Variants in RARA observed in about 807,000 individuals in gnomAD.
RARA encodes PML-DDX5-RARA fusion.
RARA carries 5 observed loss-of-function variants against 42.8 expected under a neutral mutation model. The observed-to-expected ratio is 0.12, with a 90% confidence interval of 0.06 to 0.25. The LOEUF (loss-of-function observed/expected upper bound fraction) is 0.25, where lower values mean the gene tolerates loss of function less well. RARA is among the 10% of genes least tolerant of loss of function. The pLI, the probability that RARA is intolerant of heterozygous loss-of-function variation, is 1.00. For missense variants in RARA, 402 were observed against 628.7 expected (o/e 0.64, Z 3.86); for synonymous variants, 256 against 259.5 (o/e 0.99, Z 0.13).
Position 40,352,218 on chromosome 17 carries a change from C to G in RARA, c.631-113C>G. 1 of 1,500,994 alleles carries G rather than the reference C, an allele frequency of 6.7e-7. No individual in the cohort carries two copies. The highest frequency in any genetic ancestry group is 8.8e-7 in the Non-Finnish European group (1 of 1,131,346). 93.0% of individuals were successfully genotyped at this position (1,500,994 alleles called of 1,614,324 possible). A position where few individuals can be genotyped will look rare whatever the true frequency, so the allele number is the denominator to read the frequency against. ...TCTCCCTCCTCCTGCTGCCTCTTCC[C>G]AAGGAGCTCCCAGGAAGTGAAGGCT... On this transcript the variant is annotated intron_variant, in intron 5 of 8. Coordinates refer to ENST00000254066, the MANE Select transcript of RARA (RefSeq NM_000964.4). This position sits in a 1 kb window ranked among gnomAD's most constrained non-coding sequence, Gnocchi z 4.9.
chr17:40,317,309 CT>C (rs1468144177), intron 1 of RARA, among the ~76,000 whole-genome samples: 6 of 152,218 alleles, frequency 3.9e-5, no homozygotes, highest in African/African-American at 1.4e-4. Flanking sequence ...CTGCTTCCCC[CT>C]AAGCCCGCCA....
chr17:40,318,818 C>T (rs2033282440), intron 1 of RARA, among the ~76,000 whole-genome samples: 8 of 152,260 alleles, frequency 5.3e-5, no homozygotes, highest in Admixed American at 5.2e-4. Context: ...GGATGCTCAA[C>T]GGACTAGCCC....
rs1332986203 is a variant in RARA at position 40,356,101 on chromosome 17, ACT to A, written c.1267_1268del (p.Leu423GlufsTer22). 1.5e-5 allele frequency: 10 copies of A among 650,304 alleles called. No individual in the cohort carries two copies. The highest frequency in any genetic ancestry group is 2.5e-5 in the Non-Finnish European group (10 of 401,412). 40.3% of individuals were successfully genotyped at this position (650,304 alleles called of 1,614,324 possible). ...GTTGGAGAACTCAGAGGGCCTGGAC[ACT>A]CTGAGCGGACAGCCGGGGGGTGGGG... ...EMLENSEGLD[T>X]LSGQPGGGGR... On this transcript the variant is annotated frameshift_variant, in exon 9 of 9. Coordinates refer to ENST00000254066, the MANE Select transcript of RARA (RefSeq NM_000964.4). LOFTEE classifies it high-confidence loss of function.
chr17:40,344,104 G>T (rs768144028), intron 2 of RARA, among the ~76,000 whole-genome samples: 5 of 151,484 alleles, frequency 3.3e-5, no homozygotes, highest in African/African-American at 9.7e-5. Context: ...AGTGGGTCTC[G>T]GGGGGGCCCT....
chr17:40,341,623 G>T, intron 2 of RARA: 2 of 1,350,436 alleles, frequency 1.5e-6, no homozygotes, highest in Non-Finnish European at 1.9e-6. Flanking sequence ...GCGGTGGGTG[G>T]GTCACTCGGA....
Position 40,356,880 on chromosome 17 carries a change from C to T in RARA, c.*654C>T, listed in dbSNP as rs894108589. 3.8e-5 allele frequency: 16 copies of T among 421,638 alleles called. No homozygotes were observed. The highest frequency in any genetic ancestry group is 1.8e-4 in the African/African-American group (9 of 49,106). The allele number at this position is 421,638 out of a possible 1,614,324, so 26.1% of individuals were successfully genotyped here. A position where few individuals can be genotyped will look rare whatever the true frequency, so the allele number is the denominator to read the frequency against. ...GGTGGGTCCGGGGGAGGGAGTGGCT[C>T]GGAAGGGGCCCCCACTCTCCTTTCA... On this transcript the variant is annotated 3_prime_UTR_variant, in exon 9 of 9. Transcript: ENST00000254066.
In RARA at chr17:40,323,983, T is replaced by A. The variant is rs573530714; in HGVS notation, c.-362-6874T>A. Among the ~76,000 whole-genome samples, 17 of 151,544 alleles carry A rather than the reference T, an allele frequency of 1.1e-4. No individual in the cohort carries two copies. In the East Asian group the frequency reaches 3.3e-3, roughly 29 times the overall value. On this transcript the variant is annotated intron_variant, in intron 1 of 8. Transcript: ENST00000254066. ...GGTTGGGCTGAGCTGAGGGGAGGGG[T>A]GAGGGCTGCTGCAGCCTATCTCCCC...
In RARA at chr17:40,354,894, CA is replaced by C. The variant is rs2034567260; in HGVS notation, c.1013-368del. On this transcript the variant is annotated intron_variant, in intron 7 of 8. Coordinates refer to ENST00000254066, the MANE Select transcript of RARA (RefSeq NM_000964.4). The surrounding 1 kb of genome is among the most constrained non-coding windows in gnomAD (Gnocchi z 4.5). ...CTGTGCAGGTGCCCAGAGCGAGCTC[CA>C]GTGCTTGTTAGTTGCTATTTTATTG... Among the ~76,000 whole-genome samples, 1 of 152,204 alleles carries C rather than the reference CA, an allele frequency of 6.6e-6. No homozygotes were observed. Among genetic ancestry groups the C allele is most frequent in the South Asian group, 2.1e-4 (1 of 4,828 alleles).
Position 40,351,833 on chromosome 17 carries a change from G to A in RARA, c.470-77G>A, listed in dbSNP as rs957764503. 86 of 1,546,428 alleles carry A rather than the reference G, an allele frequency of 5.6e-5. No individual in the cohort carries two copies. Among genetic ancestry groups the A allele is most frequent in the Non-Finnish European group, 7.1e-5 (82 of 1,152,434 alleles). The stretch of plus-strand genomic sequence containing the variant: ...TGGGTGACCTCCTCAGCAGCTGGCA[G>A]CTCTCTGTCAGGCTGGGGGTGGACG... On this transcript the variant is annotated intron_variant, in intron 4 of 8. Transcript: ENST00000254066. This position sits in a 1 kb window ranked among gnomAD's most constrained non-coding sequence, Gnocchi z 4.1.
chr17:40,349,762 A>G (rs1309389708), intron 3 of RARA, 22 bp from the exon 4 acceptor site: 10 of 1,612,712 alleles, frequency 6.2e-6, no homozygotes, highest in South Asian at 1.1e-5. Context: ...GGACAACCTG[A>G]CTCCCTCCCC....
intron 1 of RARA, among the ~76,000 whole-genome samples, chr17:40,315,165 T>TACAC (rs1567743130): frequency 3.3e-5 from 4 of 121,442 alleles, no homozygotes; most frequent in African/African-American, 1.6e-4. Flanking sequence ...TATATATATA[T>TACAC]ATATATACAC....
At chr17:40,347,268 G>A (rs1027323966) in intron 2 of RARA, among the ~76,000 whole-genome samples, 1 of 152,198 alleles carries the variant, frequency 6.6e-6, no homozygotes, top group East Asian at 1.9e-4. Flanking sequence ...CTGGACAAGA[G>A]AACTTGAACG....
chr17:40,356,174 C>T lies in RARA; in HGVS notation c.1337C>T (p.Pro446Leu). The T allele has an allele frequency of 6.4e-7, 1 of 1,551,116 alleles. No homozygotes were observed. Among genetic ancestry groups the T allele is most frequent in the South Asian group, 1.2e-5 (1 of 84,160 alleles). ...GLAPPPGSCS[P>L]SLSPSSNRSS... The stretch of plus-strand genomic sequence containing the variant: ...GCCCCCCCGCCAGGCAGCTGTAGCC[C>T]CAGCCTCAGCCCCAGCTCCAACAGA... Residue 446 changes from proline (P) to leucine (L), a missense_variant, in exon 9 of 9, where the codon CCC becomes CTC. Pro to Leu is a moderately conservative substitution (Grantham distance 98). Around this residue, in one of 5 missense-constraint regions of RARA, gnomAD observed 73 missense variants for 59.8 expected, o/e 1.22. Coordinates refer to ENST00000254066, the MANE Select transcript of RARA (RefSeq NM_000964.4).
In RARA at chr17:40,351,063, A is replaced by G. The variant is rs377057635; in HGVS notation, c.470-847A>G. ...GAGCAGCTGCCATTTCAATAGAATT[A>G]AAGCTTCCGAATGATAAACGTCTTG... On this transcript the variant is annotated intron_variant, in intron 4 of 8. Transcript: ENST00000254066. The surrounding 1 kb of genome is among the most constrained non-coding windows in gnomAD (Gnocchi z 4.1). Among the ~76,000 whole-genome samples the G allele has an allele frequency of 3.1e-4, 47 of 151,948 alleles. No individual in the cohort carries two copies. The East Asian group carries it at 8.1e-3, about 26-fold the overall frequency.
chr17:40,356,692 A>G lies in RARA; in HGVS notation c.*466A>G. 3.7e-6 allele frequency: 2 copies of G among 542,044 alleles called. No individual in the cohort carries two copies. The highest frequency in any genetic ancestry group is 3.1e-5 in the South Asian group (2 of 64,874). 33.6% of individuals were successfully genotyped at this position (542,044 alleles called of 1,614,324 possible). ...GACAGGGGCGGGGGGTTCCCCCTGT[A>G]CATACCCTGCCATACCAACCCCAGG... On this transcript the variant is annotated 3_prime_UTR_variant, in exon 9 of 9. Coordinates refer to ENST00000254066, the MANE Select transcript of RARA (RefSeq NM_000964.4).
chr17:40,331,255 G>A lies in RARA; in HGVS notation c.37G>A (p.Gly13Ser). The change falls in exon 2 of 9, where the codon GGC (glycine) becomes AGC (serine). Residue 13 changes from glycine (G) to serine (S), a missense_variant. By Grantham distance (56) the Gly-to-Ser change is moderately conservative. Transcript: ENST00000254066. ...SNSSSCPTPG[G>S]GHLNGYPVPP... ...CAGCAGCTCCTGCCCGACACCTGGG[G>A]GCGGGCACCTCAATGGGTACCCGGT... 1.2e-6 allele frequency: 2 copies of A among 1,613,380 alleles called. No homozygotes were observed. Among genetic ancestry groups the A allele is most frequent in the African/African-American group, 1.3e-5 (1 of 75,028 alleles).
At position 40,331,408 on chromosome 17, in the gene RARA, T is replaced by C. The variant is rs760386710; in HGVS notation, c.178+12T>C. The C allele has an allele frequency of 1.2e-6, 2 of 1,610,188 alleles. No homozygotes were observed. The highest frequency in any genetic ancestry group is 1.7e-5 in the Admixed American group (1 of 59,672). ...ACCATCCCCAGCCAGTAAGTCTGGG[T>C]GTGGGGGCTGGGGTGGGAAGGGACT... On this transcript the variant is annotated intron_variant, in intron 2 of 8. Transcript: ENST00000254066.
At chr17:40,324,871 G>T (rs962819030) in intron 1 of RARA, among the ~76,000 whole-genome samples, 1 of 152,132 alleles carries the variant, frequency 6.6e-6, no homozygotes, top group Non-Finnish European at 1.5e-5. Flanking sequence ...GGGTTCTGTG[G>T]GGTTGGTGGG....
At chr17:40,338,759 C>A (rs2033935601) in intron 2 of RARA, among the ~76,000 whole-genome samples, 1 of 151,190 alleles carries the variant, frequency 6.6e-6, no homozygotes, top group South Asian at 2.1e-4. Context: ...CCTGTAATCC[C>A]AGCACTTTGG....
Sources: gnomAD v4.1 joint callset for allele counts (sites outside exome capture counted in the v4.1 genomes callset) on GRCh38, gnomAD v4.1.1 for gene constraint, gnomAD v4.1.1 regional missense constraint, Gnocchi (gnomAD v3.1) non-coding constraint, MANE v1.5 for transcripts, NCBI Gene and HGNC (gene_info 2026-07-23, HGNC 2026-07-21) for gene names.